Variants in SPIDR observed in about 807,000 individuals in gnomAD.
SPIDR encodes the protein scaffold protein involved in DNA repair.
In SPIDR, 93 loss-of-function variants were observed where a neutral mutation model predicts 104.6. The observed-to-expected ratio is 0.89, with a 90% CI of 0.75 to 1.06. The LOEUF is 1.06. Ranked by LOEUF, SPIDR falls within the 50% of genes least tolerant of loss-of-function variation. SPIDR has a pLI of 0.00. For synonymous variants in SPIDR, 431 were observed against 416.9 expected, an observed-to-expected ratio of 1.03 and a Z score of -0.41; for missense variants, 1,154 against 1,111.2, an observed-to-expected ratio of 1.04 and a Z score of -0.55.
chr8:47,596,855 AC>A (rs1393578651), intron 9 of SPIDR, among the ~76,000 whole-genome samples: 28 of 151,804 alleles, frequency 1.8e-4, no homozygotes, highest in Admixed American at 6.6e-4. Context: ...TACTTTTAAA[AC>A]TTTTTTTGTT....
At chr8:47,709,820 A>G (rs1446088333) in intron 14 of SPIDR, among the ~76,000 whole-genome samples, 1 of 152,132 alleles carries the variant, frequency 6.6e-6, no homozygotes, top group Non-Finnish European at 1.5e-5. Context: ...AAATTTTTGG[A>G]CATTTTCAGA....
intron 11 of SPIDR, among the ~76,000 whole-genome samples, chr8:47,697,433 G>A (rs2079497937): frequency 6.6e-6 from 1 of 152,234 alleles, no homozygotes; most frequent in Admixed American, 6.5e-5. Flanking sequence ...TTTAACATGT[G>A]TATAGATCTT....
At chr8:47,532,898 G>A (rs1296514760) in intron 8 of SPIDR, among the ~76,000 whole-genome samples, 2 of 152,168 alleles carry the variant, frequency 1.3e-5, no homozygotes, top group Admixed American at 6.5e-5. Context: ...ACACATCTTA[G>A]CAAATTTAAA....
chr8:47,589,477 A>G (rs2060727743), intron 8 of SPIDR, among the ~76,000 whole-genome samples: 1 of 151,568 alleles, frequency 6.6e-6, no homozygotes, highest in Non-Finnish European at 1.5e-5. Flanking sequence ...GTGAACCGAG[A>G]TCACACCACT....
intron 8 of SPIDR, among the ~76,000 whole-genome samples, chr8:47,448,695 G>C (rs1275600903): frequency 6.6e-6 from 1 of 151,962 alleles, no homozygotes; most frequent in Non-Finnish European, 1.5e-5. Context: ...TGTGCTTGGG[G>C]AGACTACAGA....
intron 6 of SPIDR, among the ~76,000 whole-genome samples, chr8:47,404,862 CA>C (rs1327731587): frequency 1.3e-5 from 2 of 152,138 alleles, no homozygotes; most frequent in Non-Finnish European, 2.9e-5. Context: ...GATATATACC[CA>C]AAAGATTATA....
At chr8:47,277,345 GTTATGTTATGT>G (rs2036699359) in intron 1 of SPIDR, among the ~76,000 whole-genome samples, 138 of 147,810 alleles carry the variant, frequency 9.3e-4, no homozygotes, top group Middle Eastern at 3.4e-3. Context: ...GTTATGTTAT[GTTATGTTATGT>G]TATGTTATGT....
intron 8 of SPIDR, among the ~76,000 whole-genome samples, chr8:47,501,203 GA>G (rs1268515392): frequency 6.6e-6 from 1 of 152,168 alleles, no homozygotes; most frequent in African/African-American, 2.4e-5. Context: ...GCTTGATGGG[GA>G]TGGCATTGAA....
At chr8:47,523,796 G>A (rs1487104334) in intron 8 of SPIDR, among the ~76,000 whole-genome samples, 1 of 152,178 alleles carries the variant, frequency 6.6e-6, no homozygotes, top group Non-Finnish European at 1.5e-5. Context: ...ACTTCCTCAG[G>A]AAAACAGAAG....
chr8:47,458,865 G>T (rs2154352221), intron 8 of SPIDR, among the ~76,000 whole-genome samples: 1 of 152,082 alleles, frequency 6.6e-6, no homozygotes, highest in East Asian at 1.9e-4. Context: ...CAGCTTTTGT[G>T]AAATGCTTTA....
At chr8:47,724,011 GATTTT>G (rs2083836820) in intron 16 of SPIDR, among the ~76,000 whole-genome samples, 1 of 151,718 alleles carries the variant, frequency 6.6e-6, no homozygotes, top group Non-Finnish European at 1.5e-5. Context: ...AAATGTAAAA[GATTTT>G]ATTTTACCTT....
chr8:47,512,654 T>C (rs1367378429), intron 8 of SPIDR, among the ~76,000 whole-genome samples: 1 of 152,080 alleles, frequency 6.6e-6, no homozygotes, highest in African/African-American at 2.4e-5. Context: ...CTCCTGGGAA[T>C]GTTTTGCATT....
At chr8:47,418,506 A>C (rs1312708919) in intron 7 of SPIDR, among the ~76,000 whole-genome samples, 17 of 152,330 alleles carry the variant, frequency 1.1e-4, no homozygotes, top group Non-Finnish European at 2.1e-4. Context: ...CTGTCAGCTT[A>C]AGGAGATTTT....
At chr8:47,576,497 G>T (rs1246318270) in intron 8 of SPIDR, among the ~76,000 whole-genome samples, 1 of 151,382 alleles carries the variant, frequency 6.6e-6, no homozygotes, top group African/African-American at 2.4e-5. Flanking sequence ...GCAGTGGCAC[G>T]ATCTTGACTC....
chr8:47,685,505 A>ATT (rs201735323), intron 11 of SPIDR, among the ~76,000 whole-genome samples: 10 of 104,442 alleles, frequency 9.6e-5, no homozygotes, highest in African/African-American at 1.4e-4. Flanking sequence ...TTATTTATTT[A>ATT]TTTATTTATT....
At chr8:47,324,280 T>G (rs1554598901) in intron 5 of SPIDR, among the ~76,000 whole-genome samples, 1 of 152,188 alleles carries the variant, frequency 6.6e-6, no homozygotes, top group Non-Finnish European at 1.5e-5. Flanking sequence ...TAACCTTGTT[T>G]TCTTAGCCAT....
intron 8 of SPIDR, among the ~76,000 whole-genome samples, chr8:47,485,899 A>G (rs1459699344): frequency 6.6e-6 from 1 of 152,222 alleles, no homozygotes; most frequent in Non-Finnish European, 1.5e-5. Flanking sequence ...AAAGATGGGG[A>G]AAAAACAGAG....
chr8:47,729,193 C>T lies in SPIDR; in HGVS notation c.2550+146C>T, dbSNP rs2084802735. The stretch of plus-strand genomic sequence containing the variant: ...GGATGGCTTGCATCTGGAACTCCCT[C>T]TAGGTCCTAGGAGCTTCCCTAGGAA... On this transcript the variant is annotated intron_variant, in intron 18 of 19. Transcript: ENST00000297423. The T allele has an allele frequency of 2.0e-6, 3 of 1,516,368 alleles. No individual in the cohort carries two copies. The Admixed American group carries it at 6.3e-5, about 32-fold the overall frequency. The allele number at this position is 1,516,368 out of a possible 1,614,324, so 93.9% of individuals were successfully genotyped here.
intron 8 of SPIDR, among the ~76,000 whole-genome samples, chr8:47,453,144 C>A (rs529626717): frequency 1.3e-5 from 2 of 152,210 alleles, no homozygotes; most frequent in African/African-American, 4.8e-5. Context: ...ACCTGGGAAT[C>A]CAACTTAGAA....
Sources: gnomAD v4.1 joint callset for allele counts (sites outside exome capture counted in the v4.1 genomes callset) on GRCh38, gnomAD v4.1.1 for gene constraint, MANE v1.5 for transcripts, NCBI Gene and HGNC (gene_info 2026-07-23, HGNC 2026-07-21) for gene names.